DSG3: variants seen among roughly 807,000 people sequenced by gnomAD.
DSG3 encodes desmoglein 3.
A neutral mutation model predicts 85.9 loss-of-function variants in DSG3; 63 were observed. That is an observed-to-expected ratio of 0.73 (90% CI 0.60 to 0.90). The LOEUF is 0.90. DSG3 is among the 40% of genes least tolerant of loss of function. The probability of loss-of-function intolerance (pLI) is 0.00; values close to 1 mark genes in which losing one functional copy is unlikely to be tolerated. For synonymous variants in DSG3, 447 were observed against 441.9 expected, an observed-to-expected ratio of 1.01 and a Z score of -0.14; for missense variants, 1,220 against 1,219.9, an observed-to-expected ratio of 1.00 and a Z score of 0.00.
chr18:31,462,622 A>G (rs1467239176), intron 8 of DSG3, among the ~76,000 whole-genome samples: 1 of 152,160 alleles, frequency 6.6e-6, no homozygotes, highest in Non-Finnish European at 1.5e-5. Context: ...CTCCCAAACT[A>G]GAAACGTGGG....
chr18:31,473,080 A>G (rs956739967), intron 14 of DSG3, among the ~76,000 whole-genome samples: 6 of 152,168 alleles, frequency 3.9e-5, no homozygotes, highest in Admixed American at 3.3e-4. Flanking sequence ...ATCAATTACT[A>G]ATTTTTTAAT....
intron 1 of DSG3, among the ~76,000 whole-genome samples, chr18:31,454,222 G>A (rs1156264838): frequency 1.3e-5 from 2 of 152,124 alleles, no homozygotes; most frequent in Non-Finnish European, 2.9e-5. Flanking sequence ...TTTTCGGGAT[G>A]ACTCTCCAGT....
intron 1 of DSG3, among the ~76,000 whole-genome samples, chr18:31,453,328 A>G (rs768240454): frequency 2.6e-5 from 4 of 152,194 alleles, no homozygotes; most frequent in South Asian, 4.1e-4. Flanking sequence ...CCTGGCTGGG[A>G]TGAGCTACCT....
chr18:31,474,524 A>G (rs1568092246), intron 15 of DSG3, 120 bp downstream of exon 15: 3 of 1,309,984 alleles, frequency 2.3e-6, no homozygotes, highest in Non-Finnish European at 2.1e-6. Context: ...CAAGAAAAAA[A>G]TGGTTTGTTT....
At chr18:31,456,826 A>G (rs1281117368) in intron 2 of DSG3, among the ~76,000 whole-genome samples, 167 bp from the exon 3 acceptor site, 1 of 152,198 alleles carries the variant, frequency 6.6e-6, no homozygotes, top group African/African-American at 2.4e-5. Flanking sequence ...TTAGTTATTT[A>G]ACATTTATTA....
chr18:31,450,066 T>C (rs2072702106), intron 1 of DSG3, among the ~76,000 whole-genome samples: 1 of 152,266 alleles, frequency 6.6e-6, no homozygotes, highest in Non-Finnish European at 1.5e-5. Context: ...AAAAACGTTT[T>C]AAATGTGACT....
chr18:31,471,052 C>A (rs898798930), intron 12 of DSG3, among the ~76,000 whole-genome samples: 11 of 152,044 alleles, frequency 7.2e-5, no homozygotes, highest in African/African-American at 2.7e-4. Flanking sequence ...ACAGTGTGTA[C>A]AGTATAACAG....
chr18:31,447,966 T>C, intron 1 of DSG3, 41 bp downstream of exon 1: 2 of 1,467,438 alleles, frequency 1.4e-6, no homozygotes, highest in Admixed American at 2.3e-5. Flanking sequence ...ACTTCCCTGC[T>C]TCCTCCCTTG....
chr18:31,459,731 A>T, intron 5 of DSG3, 114 bp from the exon 6 acceptor site: 1 of 1,060,908 alleles, frequency 9.4e-7, no homozygotes, highest in South Asian at 1.7e-5. Flanking sequence ...GAACATACAG[A>T]TGATTTTAGG....
chr18:31,475,404 C>T (rs1012372204), intron 15 of DSG3, among the ~76,000 whole-genome samples: 1 of 152,090 alleles, frequency 6.6e-6, no homozygotes, highest in African/African-American at 2.4e-5. Context: ...ACATGTCAGG[C>T]TCCCACAAGA....
In DSG3 at chr18:31,456,353, A is replaced by G. The variant is rs3848485; in HGVS notation, c.49-87A>G. The G allele has an allele frequency of 0.23, 196,059 of 864,172 alleles. 24,584 individuals carry two copies. Among genetic ancestry groups the G allele is most frequent in the African/African-American group, 0.45 (25,636 of 57,114 alleles). The allele number at this position is 864,172 out of a possible 1,614,324, so 53.5% of individuals were successfully genotyped here. On this transcript the variant is annotated intron_variant, in intron 1 of 15. Coordinates refer to ENST00000257189, the MANE Select transcript of DSG3 (RefSeq NM_001944.3). ...AGAAACAAATCACAATATGAACAAT[A>G]GAATATAATAATCAGGATTATTCAT...
At chr18:31,463,189 T>A (rs1459902251) in intron 8 of DSG3, among the ~76,000 whole-genome samples, 2 of 152,224 alleles carry the variant, frequency 1.3e-5, no homozygotes, top group African/African-American at 4.8e-5. Flanking sequence ...TCAGAAACCC[T>A]TCATAGCTCT....
In DSG3 at chr18:31,459,029, C is replaced by G. The variant is rs1181407690; in HGVS notation, c.373-4C>G. On this transcript the variant is annotated splice_region_variant and splice_polypyrimidine_tract_variant and intron_variant, in intron 4 of 15. Transcript: ENST00000257189. ...AATACTCCACATTTTCCCTCTGTTC[C>G]TAGATCACATGTCGGGCTCTAAATG... The G allele has an allele frequency of 1.2e-6, 2 of 1,612,852 alleles. No individual in the cohort carries two copies. The highest frequency in any genetic ancestry group is 1.7e-6 in the Non-Finnish European group (2 of 1,179,732).
In DSG3 at chr18:31,465,360, T is replaced by C. The variant is rs1399348494; in HGVS notation, c.1314T>C (p.Asp438=). Reference sequence around the variant, plus strand: ...ACGATGGTGGATACCTAATGATTGATTCAAAAACTGCTGAAATCAAATTTG... The same window carrying C: ...ACGATGGTGGATACCTAATGATTGACTCAAAAACTGCTGAAATCAAATTTG... ...GRNDGGYLMI[D]SKTAEIKFVK... Residue 438 remains aspartate (D), a synonymous_variant, in exon 10 of 16, where the codon GAT becomes GAC. Coordinates refer to ENST00000257189, the MANE Select transcript of DSG3 (RefSeq NM_001944.3). 3 of 1,542,054 alleles carry C rather than the reference T, an allele frequency of 1.9e-6. No homozygotes were observed. Among genetic ancestry groups the C allele is most frequent in the Non-Finnish European group, 8.7e-7 (1 of 1,144,976 alleles).
At position 31,472,440 on chromosome 18, in the gene DSG3, T is replaced by C; in HGVS notation, c.2037+17T>C. ...GAAGACAAGGTAAGCATCCAGTTCA[T>C]AAATTATGTATTTCAATTACATAGA... On this transcript the variant is annotated intron_variant, in intron 13 of 15. Coordinates refer to ENST00000257189, the MANE Select transcript of DSG3 (RefSeq NM_001944.3). 6.2e-7 allele frequency: 1 copy of C among 1,601,578 alleles called. No homozygotes were observed. The highest frequency in any genetic ancestry group is 8.5e-7 in the Non-Finnish European group (1 of 1,175,720).
At chr18:31,448,967 C>T (rs2072695189) in intron 1 of DSG3, among the ~76,000 whole-genome samples, 1 of 152,116 alleles carries the variant, frequency 6.6e-6, no homozygotes, top group African/African-American at 2.4e-5. Context: ...TGCAGTGGTG[C>T]GATCTCCAAC....
chr18:31,458,993 G>A (rs1568086998), intron 4 of DSG3, 40 bp from the exon 5 acceptor site: 2 of 1,601,874 alleles, frequency 1.2e-6, no homozygotes, highest in African/African-American at 1.3e-5. Context: ...TATGAAAACT[G>A]ATTGCAGAGT....
intron 5 of DSG3, 102 bp downstream of exon 5, chr18:31,459,279 A>T (rs1307558990): frequency 8.7e-7 from 1 of 1,154,240 alleles, no homozygotes; most frequent in East Asian, 2.5e-5. Flanking sequence ...CTCTTAGTTT[A>T]ATCAGTAGTT....
chr18:31,455,066 C>T (rs887015987), intron 1 of DSG3, among the ~76,000 whole-genome samples: 1 of 151,616 alleles, frequency 6.6e-6, no homozygotes, highest in Non-Finnish European at 1.5e-5. Flanking sequence ...GGTACATGCT[C>T]TGGAGTTAGG....
Sources: gnomAD v4.1 joint callset for allele counts (sites outside exome capture counted in the v4.1 genomes callset) on GRCh38, gnomAD v4.1.1 for gene constraint, MANE v1.5 for transcripts, NCBI Gene and HGNC (gene_info 2026-07-23, HGNC 2026-07-21) for gene names.